GLT8D1: variants seen among roughly 807,000 people sequenced by gnomAD.
The protein encoded by GLT8D1 is glycosyltransferase 8 domain containing 1, also known as glycosyltransferase 8 domain-containing protein 1.
A neutral mutation model predicts 46.2 loss-of-function variants in GLT8D1; 41 were observed. The ratio of observed to expected loss-of-function variants is 0.89; its 90% CI spans 0.69 to 1.15. The LOEUF is 1.15. GLT8D1 is among the 50% of genes most tolerant of loss of function. The probability of loss-of-function intolerance (pLI) is 0.00; values close to 1 mark genes in which losing one functional copy is unlikely to be tolerated. For missense variants in GLT8D1, 408 were observed against 449.3 expected, an observed-to-expected ratio of 0.91 and a Z score of 0.83; for synonymous variants, 150 against 154.2, an observed-to-expected ratio of 0.97 and a Z score of 0.20.
rs1167256312 is a variant in GLT8D1, at chr3:52,695,247, T to C, written c.868A>G (p.Ile290Val). 1 of 1,613,960 alleles carries C rather than the reference T, an allele frequency of 6.2e-7. No homozygotes were observed. The highest frequency in any genetic ancestry group is 8.5e-7 in the Non-Finnish European group (1 of 1,179,912). ...AGSITTPPLL[I>V]VFYQQHSTID... ...GTAGAGTGCTGTTGATAAAATACGA[T>C]AAGCAGAGGAGGTGTTGTGATGCTA... The change falls in exon 9 of 10, where the codon ATC (isoleucine) becomes GTC (valine). Residue 290 changes from isoleucine to valine, a missense_variant. Coordinates refer to ENST00000266014, the MANE Select transcript of GLT8D1 (RefSeq NM_018446.4).
chr3:52,704,498 A>G (rs1055292117), intron 1 of GLT8D1, among the ~76,000 whole-genome samples: 4 of 150,944 alleles, frequency 2.6e-5, no homozygotes, highest in African/African-American at 9.7e-5. Flanking sequence ...ACACAGAGAT[A>G]TATCTATTTA....
chr3:52,695,064 C>A (rs144444729), intron 9 of GLT8D1, 29 bp from the exon 10 acceptor site: 2 of 1,541,096 alleles, frequency 1.3e-6, no homozygotes, highest in Non-Finnish European at 1.8e-6. Context: ...ATAGCCACAT[C>A]GTTGCGCCAT....
chr3:52,700,276 C>T lies in GLT8D1; in HGVS notation c.101G>A (p.Arg34Lys), dbSNP rs2097338134. 2 of 1,611,528 alleles carry T rather than the reference C, an allele frequency of 1.2e-6. No individual in the cohort carries two copies. Among genetic ancestry groups the T allele is most frequent in the Admixed American group, 3.3e-5 (2 of 59,864 alleles). The change falls in exon 3 of 10, where the codon AGG (arginine) becomes AAG (lysine). Residue 34 changes from arginine (R) to lysine (K), a missense_variant. By Grantham distance (26) the Arg-to-Lys change is conservative. Transcript: ENST00000266014. ...TGCTCGCATACCTGTAACCTCATTC[C>T]TTAACAAACTGCTCAAGCTGAGGAA... ...HNFLSLSSLL[R>K]NEVTDSGIVG...
chr3:52,696,135 CATAA>C, intron 6 of GLT8D1, 95 bp from the exon 7 acceptor site: 1 of 1,163,648 alleles, frequency 8.6e-7, no homozygotes. Context: ...TATAGAAGAC[CATAA>C]ATAAACCACT....
intron 1 of GLT8D1, among the ~76,000 whole-genome samples, chr3:52,701,547 T>C (rs1262792734): frequency 2.6e-5 from 4 of 151,858 alleles, no homozygotes; most frequent in Non-Finnish European, 5.9e-5. Flanking sequence ...TTTTGTATTT[T>C]TAGTAGAGAT....
In GLT8D1 at chr3:52,694,634, C is replaced by G. The variant is rs2097330940; in HGVS notation, c.*211G>C. ...CATTCAGCATTGTAGTAAGAAAACACTTGGTAAGGCAGATGGAGACATATT... is the reference window on the plus strand; with the variant it reads ...CATTCAGCATTGTAGTAAGAAAACAGTTGGTAAGGCAGATGGAGACATATT... On this transcript the variant is annotated 3_prime_UTR_variant, in exon 10 of 10. Coordinates refer to ENST00000266014, the MANE Select transcript of GLT8D1 (RefSeq NM_018446.4). 3.3e-6 allele frequency: 2 copies of G among 612,108 alleles called. No individual in the cohort carries two copies. Among genetic ancestry groups the G allele is most frequent in the East Asian group, 2.8e-5 (1 of 36,338 alleles). 37.9% of individuals were successfully genotyped at this position (612,108 alleles called of 1,614,324 possible).
At chr3:52,704,395 G>A (rs775243369) in intron 1 of GLT8D1, among the ~76,000 whole-genome samples, 1 of 147,992 alleles carries the variant, frequency 6.8e-6, no homozygotes, top group African/African-American at 2.5e-5. Flanking sequence ...GGAGGCGGAG[G>A]TTGCAGTGAG....
intron 4 of GLT8D1, among the ~76,000 whole-genome samples, chr3:52,697,207 CCAA>C (rs2097334643): frequency 6.6e-6 from 1 of 152,166 alleles, no homozygotes; most frequent in Non-Finnish European, 1.5e-5. Context: ...ATTTGTTAGA[CCAA>C]CAAATTTGGA....
chr3:52,701,068 A>C (rs773253955), intron 1 of GLT8D1: 2 of 152,176 alleles, frequency 1.3e-5, no homozygotes, highest in Non-Finnish European at 2.9e-5. Flanking sequence ...CTGTCTTTAA[A>C]ATAAAAAATT....
intron 3 of GLT8D1, among the ~76,000 whole-genome samples, chr3:52,698,362 G>C (rs2097336117): frequency 6.6e-6 from 1 of 152,148 alleles, no homozygotes; most frequent in Non-Finnish European, 1.5e-5. Flanking sequence ...AATTTATACA[G>C]AAAAAGTTTC....
intron 1 of GLT8D1, among the ~76,000 whole-genome samples, chr3:52,701,946 A>C (rs1036128635): frequency 2.6e-5 from 4 of 152,244 alleles, no homozygotes; most frequent in African/African-American, 9.6e-5. Flanking sequence ...TTCTTACTTC[A>C]TCTTCACCCA....
chr3:52,696,145 C>T lies in GLT8D1; in HGVS notation c.532+89G>A. 2.6e-6 allele frequency: 3 copies of T among 1,147,176 alleles called. No homozygotes were observed. In the South Asian group the frequency reaches 3.7e-5, roughly 14 times the overall value. The allele number at this position is 1,147,176 out of a possible 1,614,324, so 71.1% of individuals were successfully genotyped here. Reference sequence around the variant, plus strand: ...CCTTTTATAGAAGACCATAAATAAACCACTACAGCCCACTGTAGCCCATTG... The same window carrying T: ...CCTTTTATAGAAGACCATAAATAAATCACTACAGCCCACTGTAGCCCATTG... On this transcript the variant is annotated intron_variant, in intron 6 of 9. Transcript: ENST00000266014.
At chr3:52,705,338 A>G (rs977840854) in intron 1 of GLT8D1, 109 bp downstream of exon 1, 2 of 152,460 alleles carry the variant, frequency 1.3e-5, no homozygotes, top group African/African-American at 2.4e-5. Context: ...TACGCGGATG[A>G]GAGGGACAGC....
rs560845589 is a variant in GLT8D1 at position 52,700,997 on chromosome 3, A to G, written c.-36-501T>C. On this transcript the variant is annotated intron_variant, in intron 1 of 9. Coordinates refer to ENST00000266014, the MANE Select transcript of GLT8D1 (RefSeq NM_018446.4). ...GGAGAATCGCTTGAACCTGGGCAAC[A>G]GAGGTTGCAGTGAGCCGAGATCATG... 3.3e-5 allele frequency among the ~76,000 whole-genome samples: 5 copies of G among 152,138 alleles called. No homozygotes were observed. In the South Asian group the frequency reaches 1.0e-3, roughly 32 times the overall value.
In GLT8D1 at chr3:52,694,987, T is replaced by C. The variant is rs1413731966; in HGVS notation, c.974A>G (p.Lys325Arg). Residue 325 changes from lysine (K) to arginine (R), a missense_variant, in exon 10 of 10, where the codon AAG (lysine) becomes AGG (arginine). By Grantham distance (26) the Lys-to-Arg change is conservative (BLOSUM62 2). Coordinates refer to ENST00000266014, the MANE Select transcript of GLT8D1 (RefSeq NM_018446.4). ...CAAATGTCCATTCCAATGGAGTAAC[T>C]TGGCAGCCTTTACAAACTGAGGTGA... The part of the protein sequence containing the change: ...RYSPQFVKAA[K>R]LLHWNGHLKP... 3 of 1,612,718 alleles carry C rather than the reference T, an allele frequency of 1.9e-6. No individual in the cohort carries two copies. Among genetic ancestry groups the C allele is most frequent in the African/African-American group, 2.7e-5 (2 of 74,908 alleles).
chr3:52,703,595 G>A (rs750621467), intron 1 of GLT8D1: 1 of 151,998 alleles, frequency 6.6e-6, no homozygotes, highest in Non-Finnish European at 1.5e-5. Context: ...CTGAGAAAAC[G>A]ATCTTGCACT....
chr3:52,694,870 T>TATC lies in GLT8D1; in HGVS notation c.1088_1090dup (p.Arg363_Tyr364insTer), dbSNP rs1205369311. On this transcript the variant is annotated stop_gained, in exon 10 of 10. Transcript: ENST00000266014. LOFTEE classifies it high-confidence loss of function. ...TCACTTTATGTTTGAGATCTCGGTA[T>TATC]ATCTTCGGATTAGGTTGAATTTGCC... 3 of 1,611,874 alleles carry TATC rather than the reference T, an allele frequency of 1.9e-6. No individual in the cohort carries two copies. The highest frequency in any genetic ancestry group is 2.5e-6 in the Non-Finnish European group (3 of 1,177,894).
At chr3:52,699,117 G>C (rs1196316784) in intron 3 of GLT8D1, among the ~76,000 whole-genome samples, 3 of 152,028 alleles carry the variant, frequency 2.0e-5, no homozygotes, top group African/African-American at 7.2e-5. Flanking sequence ...AATCTCAACT[G>C]TACAGAAAAA....
At chr3:52,697,955 CTG>C in intron 3 of GLT8D1, 21 bp from the exon 4 acceptor site, 2 of 1,453,344 alleles carry the variant, frequency 1.4e-6, no homozygotes, top group Non-Finnish European at 1.9e-6. Context: ...AAGGAAGGCA[CTG>C]TGATTACAAT....
Sources: gnomAD v4.1 joint callset for allele counts (sites outside exome capture counted in the v4.1 genomes callset) on GRCh38, gnomAD v4.1.1 for gene constraint, MANE v1.5 for transcripts, NCBI Gene and HGNC (gene_info 2026-07-23, HGNC 2026-07-21) for gene names.